Variants in BRWD3 observed in about 807,000 individuals in gnomAD.
The protein encoded by BRWD3 is bromodomain and WD repeat domain containing 3.
BRWD3 carries 10 observed loss-of-function variants against 149.7 expected under a neutral mutation model. That is an observed-to-expected ratio of 0.07 (90% CI 0.04 to 0.11). The LOEUF is 0.11. BRWD3 is among the 10% of genes least tolerant of loss of function. The pLI, the probability that BRWD3 is intolerant of heterozygous loss-of-function variation, is 1.00. For synonymous variants in BRWD3, 504 were observed against 456.7 expected, an observed-to-expected ratio of 1.10 and a Z score of -1.32; for missense variants, 940 against 1,373.2, an observed-to-expected ratio of 0.68 and a Z score of 4.99.
Position 80,682,613 on chromosome X carries a change from G to A in BRWD3, c.4249C>T (p.Leu1417=), listed in dbSNP as rs1251134092. 5.0e-6 allele frequency: 6 copies of A among 1,206,261 alleles called. No individual in the cohort carries two copies. The Admixed American group carries it at 6.6e-5, about 13-fold the overall frequency. Residue 1417 remains leucine (L), a synonymous_variant, in exon 38 of 41, where the codon CTG becomes TTG. Coordinates refer to ENST00000373275, the MANE Select transcript of BRWD3 (RefSeq NM_153252.5). Reference sequence around the variant, plus strand: ...CTTTCAAATAAGGCAGATAATCGCAGCATCATGCTATAGATCTGAGAAGGC... The same window carrying A: ...CTTTCAAATAAGGCAGATAATCGCAACATCATGCTATAGATCTGAGAAGGC... The part of the protein sequence containing the change: ...NKKSRIYSMM[L]RLSALFESHI...
intron 6 of BRWD3, among the ~76,000 whole-genome samples, chrX:80,789,523 G>A (rs1337784561): frequency 3.6e-5 from 4 of 111,320 alleles, no homozygotes; most frequent in Middle Eastern, 4.6e-3. Flanking sequence ...CTACAGGCGC[G>A]TGCCACCACG....
At chrX:80,720,265 G>T (rs996599392) in intron 17 of BRWD3, among the ~76,000 whole-genome samples, 36 of 111,077 alleles carry the variant, frequency 3.2e-4, no homozygotes, top group African/African-American at 1.2e-3. Context: ...CCAGAAAAAG[G>T]CATTGTTAAC....
At position 80,740,583 on chromosome X, in the gene BRWD3, C is replaced by CA. The variant is rs753502801; in HGVS notation, c.813+3448dup. 1.1e-4 allele frequency among the ~76,000 whole-genome samples: 12 copies of CA among 110,805 alleles called. No individual in the cohort carries two copies. The South Asian group carries it at 1.1e-3, about 10-fold the overall frequency. ...GCAACATGTCGAATCCCTGTCTCTA[C>CA]AAAAAAAATACAAAATATAGCCGGA... On this transcript the variant is annotated intron_variant, in intron 8 of 40. Transcript: ENST00000373275.
intron 36 of BRWD3, 147 bp downstream of exon 36, chrX:80,685,315 A>T (rs2147680694): frequency 2.0e-6 from 1 of 504,466 alleles, no homozygotes; most frequent in Non-Finnish European, 3.3e-6. Flanking sequence ...GAGGAACAAA[A>T]AAATAAATGA....
At chrX:80,712,737 T>C (rs759042642) in intron 20 of BRWD3, among the ~76,000 whole-genome samples, 10 of 108,490 alleles carry the variant, frequency 9.2e-5, no homozygotes, top group African/African-American at 3.4e-4. Flanking sequence ...TCGTCTGAGA[T>C]GTGGGGAGCG....
In BRWD3 at chrX:80,682,458, A is replaced by G; in HGVS notation, c.4397+7T>C. 9 of 1,208,210 alleles carry G rather than the reference A, an allele frequency of 7.4e-6. No individual in the cohort carries two copies. The highest frequency in any genetic ancestry group is 1.0e-5 in the Non-Finnish European group (9 of 892,566). On this transcript the variant is annotated splice_region_variant and intron_variant, in intron 38 of 40. Coordinates refer to ENST00000373275, the MANE Select transcript of BRWD3 (RefSeq NM_153252.5). ...GAACAAAAAATGTTGCATCAATGTA[A>G]TGATACCTAGGTGCTCCACTACTAG...
rs188632035 is a variant in BRWD3, at chrX:80,675,419, A to C, written c.*1190T>G. The C allele has an allele frequency of 1.8e-5, 2 of 112,002 alleles. No individual in the cohort carries two copies. The highest frequency in any genetic ancestry group is 6.5e-5 in the African/African-American group (2 of 30,934). 9.2% of individuals were successfully genotyped at this position (112,002 alleles called of 1,213,427 possible). A position where few individuals can be genotyped will look rare whatever the true frequency, so the allele number is the denominator to read the frequency against. ...AAAACCAGCAACTCACAGCTGTTAAATGGTAAGTGGAGCAGAAATATATAA... is the reference window on the plus strand; with the variant it reads ...AAAACCAGCAACTCACAGCTGTTAACTGGTAAGTGGAGCAGAAATATATAA... On this transcript the variant is annotated 3_prime_UTR_variant, in exon 41 of 41. Coordinates refer to ENST00000373275, the MANE Select transcript of BRWD3 (RefSeq NM_153252.5).
intron 8 of BRWD3, among the ~76,000 whole-genome samples, chrX:80,743,349 A>C (rs1261157124): frequency 9.0e-6 from 1 of 111,688 alleles, no homozygotes; most frequent in Non-Finnish European, 1.9e-5. Context: ...ATATTGGTCT[A>C]AAATTCTCTT....
chrX:80,687,086 C>CACATACAGATAGG, intron 34 of BRWD3, 83 bp from the exon 35 acceptor site: 1 of 703,158 alleles, frequency 1.4e-6, no homozygotes, highest in Non-Finnish European at 2.1e-6. Context: ...GTTAATATAC[C>CACATACAGATAGG]TATCTGTATG....
At chrX:80,729,534 G>C (rs2073296536) in intron 13 of BRWD3, among the ~76,000 whole-genome samples, 1 of 111,480 alleles carries the variant, frequency 9.0e-6, no homozygotes, top group East Asian at 2.8e-4. Flanking sequence ...TATTATAAAA[G>C]TGTCCTTAGA....
chrX:80,766,022 G>T (rs138572345), intron 6 of BRWD3, among the ~76,000 whole-genome samples: 1 of 112,163 alleles, frequency 8.9e-6, no homozygotes, highest in Non-Finnish European at 1.9e-5. Context: ...ACTAGACTGG[G>T]TCACAGAATG....
intron 27 of BRWD3, among the ~76,000 whole-genome samples, chrX:80,693,814 T>C (rs1184894548): frequency 8.9e-6 from 1 of 112,071 alleles, no homozygotes; most frequent in Non-Finnish European, 1.9e-5. Flanking sequence ...GGAACTTATC[T>C]TTAAAAGTGA....
Position 80,673,746 on chromosome X carries a change from G to T in BRWD3, c.*2863C>A, listed in dbSNP as rs908938708. On this transcript the variant is annotated 3_prime_UTR_variant, in exon 41 of 41. Transcript: ENST00000373275. ...CACTGACTATTCATATCTAGCATAGGATTAGGTTTATACATGTATATGCTC... is the reference window on the plus strand; with the variant it reads ...CACTGACTATTCATATCTAGCATAGTATTAGGTTTATACATGTATATGCTC... 2 of 111,557 alleles carry T rather than the reference G, an allele frequency of 1.8e-5. No individual in the cohort carries two copies. Among genetic ancestry groups the T allele is most frequent in the African/African-American group, 3.3e-5 (1 of 30,747 alleles). 9.2% of individuals were successfully genotyped at this position (111,557 alleles called of 1,213,427 possible). A position where few individuals can be genotyped will look rare whatever the true frequency, so the allele number is the denominator to read the frequency against.
chrX:80,709,335 T>A (rs2072922713), intron 21 of BRWD3, 93 bp downstream of exon 21: 11 of 673,804 alleles, frequency 1.6e-5, no homozygotes, highest in Non-Finnish European at 2.0e-5. Context: ...ATTAAAATAA[T>A]TTTCTATTAA....
chrX:80,698,923 C>T (rs1419793693), intron 25 of BRWD3, among the ~76,000 whole-genome samples: 1 of 110,527 alleles, frequency 9.0e-6, no homozygotes, highest in Non-Finnish European at 1.9e-5. Flanking sequence ...AATAAATATA[C>T]ATATTCTCAG....
At chrX:80,756,518 A>AAAG (rs1279642677) in intron 6 of BRWD3, among the ~76,000 whole-genome samples, 5 of 107,669 alleles carry the variant, frequency 4.6e-5, no homozygotes, top group Non-Finnish European at 7.7e-5. Context: ...AAAAAAAAAA[A>AAAG]AAAAAAAGAA....
At chrX:80,695,861 T>C (rs1415472038) in intron 27 of BRWD3, 47 bp downstream of exon 27, 3 of 1,040,199 alleles carry the variant, frequency 2.9e-6, no homozygotes. Context: ...AAAAGTTACT[T>C]ACTGTACATA....
intron 8 of BRWD3, chrX:80,743,740 A>C: frequency 1.9e-5 from 5 of 264,155 alleles, no homozygotes; most frequent in Middle Eastern, 1.1e-3. Context: ...AATAGGAAAG[A>C]GTGTGCTCTT....
At chrX:80,679,186 T>G (rs1431072664) in intron 40 of BRWD3, among the ~76,000 whole-genome samples, 4 of 112,037 alleles carry the variant, frequency 3.6e-5, no homozygotes, top group Non-Finnish European at 7.5e-5. Flanking sequence ...AAACCCAAGC[T>G]GACTAATACT....
Sources: gnomAD v4.1 joint callset for allele counts (sites outside exome capture counted in the v4.1 genomes callset) on GRCh38, gnomAD v4.1.1 for gene constraint, MANE v1.5 for transcripts, NCBI Gene and HGNC (gene_info 2026-07-23, HGNC 2026-07-21) for gene names.